The following MED13L variants were observed in gnomAD, a reference collection of about 807,000 sequenced individuals.
The protein encoded by MED13L is mediator of RNA polymerase II transcription subunit 13-like.
MED13L carries 7 observed loss-of-function variants against 220.9 expected under a neutral mutation model. That is an observed-to-expected ratio of 0.03 (90% CI 0.02 to 0.06). The LOEUF (loss-of-function observed/expected upper bound fraction) is 0.06, where lower values mean the gene tolerates loss of function less well. MED13L is among the 10% of genes least tolerant of loss of function. The pLI, the probability that MED13L is intolerant of heterozygous loss-of-function variation, is 1.00. For synonymous variants in MED13L, 1,011 were observed against 1,015.2 expected (o/e 1.00, Z 0.08); for missense variants, 1,965 against 2,760.5 (o/e 0.71, Z 6.46).
In MED13L at chr12:115,975,618, C is replaced by T; in HGVS notation, c.5485G>A (p.Gly1829Ser). Residue 1829 changes from glycine (G) to serine (S), a missense_variant, in exon 24 of 31, where the codon GGC becomes AGC. Physicochemically the swap from Gly to Ser is moderately conservative, Grantham distance 56. Transcript: ENST00000281928. ...ASQKYNVLFV[G>S]YCLSHDQRWL... The stretch of plus-strand genomic sequence containing the variant: ...CGCTGGTCGTGAGACAGACAATAGC[C>T]CACGAAGAGCACATTGTATTTCTGG... 1 of 1,614,102 alleles carries T rather than the reference C, an allele frequency of 6.2e-7. No individual in the cohort carries two copies. Among genetic ancestry groups the T allele is most frequent in the Non-Finnish European group, 8.5e-7 (1 of 1,180,022 alleles).
chr12:116,213,607 T>C (rs571287420), intron 2 of MED13L, among the ~76,000 whole-genome samples: 5 of 152,238 alleles, frequency 3.3e-5, no homozygotes, highest in Admixed American at 3.3e-4. Context: ...GAGACAGGGT[T>C]TCACCATGTT....
At chr12:116,271,204 C>CGT (rs140643991) in intron 1 of MED13L, among the ~76,000 whole-genome samples, 3,890 of 149,692 alleles carry the variant, frequency 0.026, 68 homozygotes, top group African/African-American at 0.034. Flanking sequence ...GAAACAAATA[C>CGT]GTGTGTGTGT....
intron 1 of MED13L, among the ~76,000 whole-genome samples, chr12:116,240,306 A>G (rs1870500786): frequency 6.6e-6 from 1 of 152,002 alleles, no homozygotes; most frequent in African/African-American, 2.4e-5. Flanking sequence ...CATGCTGGCC[A>G]GGCTGGTCTC....
chr12:116,003,069 G>A lies in MED13L; in HGVS notation c.2503C>T (p.Pro835Ser). 6.2e-7 allele frequency: 1 copy of A among 1,614,096 alleles called. No individual in the cohort carries two copies. Reference sequence around the variant, plus strand: ...GGTCGGTCTTCTGTCCCAACTGCAGGCATTTTTGATGAGCGCAGAGCAGGT... The same window carrying A: ...GGTCGGTCTTCTGTCCCAACTGCAGACATTTTTGATGAGCGCAGAGCAGGT... ...VSPALRSSKM[P>S]AVGTEDRPLG... Residue 835 changes from proline to serine, a missense_variant, in exon 14 of 31, where the codon CCT (proline) becomes TCT (serine). This residue lies in a region of MED13L where 818 missense variants were observed against 1,041.2 expected (regional missense o/e 0.79). Transcript: ENST00000281928.
At chr12:116,195,378 G>A (rs1045162234) in intron 2 of MED13L, among the ~76,000 whole-genome samples, 4 of 152,136 alleles carry the variant, frequency 2.6e-5, no homozygotes, top group Admixed American at 2.6e-4. Context: ...TAAAGAAAAC[G>A]AATAAAAACA....
intron 1 of MED13L, among the ~76,000 whole-genome samples, chr12:116,246,300 A>C (rs1194433357): frequency 6.6e-6 from 1 of 152,136 alleles, no homozygotes; most frequent in Non-Finnish European, 1.5e-5. Context: ...GATTCAGGAA[A>C]CAGACCTGAG....
intron 4 of MED13L, among the ~76,000 whole-genome samples, chr12:116,076,219 G>A (rs1255378737): frequency 6.6e-6 from 1 of 152,072 alleles, no homozygotes; most frequent in Non-Finnish European, 1.5e-5. Flanking sequence ...CCTTGGCAGG[G>A]GACACAATAA....
intron 9 of MED13L, among the ~76,000 whole-genome samples, chr12:116,010,912 C>T (rs1163234683): frequency 6.7e-6 from 1 of 150,242 alleles, no homozygotes; most frequent in Non-Finnish European, 1.5e-5. Context: ...TGGAGTCTCG[C>T]TCTGTCTAGG....
intron 4 of MED13L, among the ~76,000 whole-genome samples, chr12:116,025,775 A>G (rs549462773): frequency 4.6e-5 from 7 of 152,332 alleles, no homozygotes; most frequent in Admixed American, 3.9e-4. Flanking sequence ...GTTAGAAACA[A>G]TAAGTTCTAG....
At chr12:116,056,822 A>C (rs1451789273) in intron 4 of MED13L, among the ~76,000 whole-genome samples, 1 of 152,252 alleles carries the variant, frequency 6.6e-6, no homozygotes, top group African/African-American at 2.4e-5. Context: ...ATTGCTCTTA[A>C]TGATCCTAGA....
chr12:116,242,634 T>C (rs1341234310), intron 1 of MED13L, among the ~76,000 whole-genome samples: 1 of 152,204 alleles, frequency 6.6e-6, no homozygotes, highest in Admixed American at 6.5e-5. Flanking sequence ...AGCATCTACT[T>C]ACTACCAGGC....
At chr12:116,059,006 T>C (rs568286114) in intron 4 of MED13L, among the ~76,000 whole-genome samples, 95 of 152,350 alleles carry the variant, frequency 6.2e-4, no homozygotes, top group African/African-American at 2.2e-3. Flanking sequence ...ATTTATACAT[T>C]GATATGTAAT....
At chr12:116,063,092 A>T (rs1388803995) in intron 4 of MED13L, among the ~76,000 whole-genome samples, 1 of 152,168 alleles carries the variant, frequency 6.6e-6, no homozygotes. Flanking sequence ...CCCTTAGCAC[A>T]GCAGCTGGCT....
intron 12 of MED13L, 88 bp downstream of exon 12, chr12:116,006,218 A>G (rs984165540): frequency 1.1e-4 from 148 of 1,337,454 alleles, no homozygotes; most frequent in Non-Finnish European, 1.5e-4. Context: ...TCTTATTACA[A>G]TAAGAATAAA....
chr12:116,187,342 T>C (rs544148594), intron 2 of MED13L, among the ~76,000 whole-genome samples: 17 of 152,312 alleles, frequency 1.1e-4, no homozygotes, highest in African/African-American at 3.6e-4. Flanking sequence ...GTATAGTCCC[T>C]ACCTCACAGT....
intron 4 of MED13L, among the ~76,000 whole-genome samples, chr12:116,087,116 T>C (rs111613786): frequency 1.3e-5 from 2 of 152,328 alleles, no homozygotes; most frequent in East Asian, 1.9e-4. Flanking sequence ...ACCAACATCA[T>C]AAAAAATTCT....
intron 2 of MED13L, among the ~76,000 whole-genome samples, chr12:116,223,247 T>C (rs952918480): frequency 6.6e-6 from 1 of 152,226 alleles, no homozygotes; most frequent in Non-Finnish European, 1.5e-5. Flanking sequence ...TAATAAATAG[T>C]GCTCTTCCAC....
intron 4 of MED13L, among the ~76,000 whole-genome samples, chr12:116,081,271 T>C (rs1871224844): frequency 6.6e-6 from 1 of 152,210 alleles, no homozygotes; most frequent in African/African-American, 2.4e-5. Flanking sequence ...CCTCACTAAT[T>C]AAAGAGTTAT....
At chr12:116,051,540 T>C (rs1190826540) in intron 4 of MED13L, among the ~76,000 whole-genome samples, 1 of 152,202 alleles carries the variant, frequency 6.6e-6, no homozygotes, top group East Asian at 1.9e-4. Flanking sequence ...TATCCTTTAT[T>C]CAAAATGCTT....
Sources: allele counts gnomAD v4.1 joint callset (sites outside exome capture counted in the v4.1 genomes callset), GRCh38; gene constraint gnomAD v4.1.1; regional missense constraint gnomAD v4.1.1; transcripts MANE v1.5; gene names NCBI Gene and HGNC (gene_info 2026-07-23, HGNC 2026-07-21).